The following UBXN11 variants were observed in gnomAD, a reference collection of about 807,000 sequenced individuals.
UBXN11 encodes UBX domain-containing protein 11.
A neutral mutation model predicts 62.8 loss-of-function variants in UBXN11; 47 were observed. That is an observed-to-expected ratio of 0.75 (90% CI 0.59 to 0.95). UBXN11 has a LOEUF of 0.95. Among genes scored for constraint, UBXN11 ranks in the 40% least tolerant of loss-of-function variants. The probability of loss-of-function intolerance (pLI) is 0.00; values close to 1 mark genes in which losing one functional copy is unlikely to be tolerated. For synonymous variants in UBXN11, 294 were observed against 267.0 expected (o/e 1.10, Z -0.99); for missense variants, 638 against 661.7 (o/e 0.96, Z 0.39).
rs202070711 is a variant in UBXN11, at chr1:26,285,985, C to A, written c.612G>T (p.Leu204=). 1.7e-5 allele frequency: 27 copies of A among 1,612,468 alleles called. No individual in the cohort carries two copies. The highest frequency in any genetic ancestry group is 2.0e-5 in the Non-Finnish European group (24 of 1,179,050). ...CTACCACCAGCTCACTAAGATCCTG[C>A]AGGCTGGCCAGCAGCCTGTCAAAGT... ...EVDFDRLLAS[L]QDLSELVVEG... The change falls in exon 9 of 15, where the codon CTG becomes CTT. Residue 204 remains leucine (L), a synonymous_variant. Coordinates refer to ENST00000374222, the MANE Select transcript of UBXN11 (RefSeq NM_001389556.1).
Position 26,284,445 on chromosome 1 carries a change from C to T in UBXN11, c.890G>A (p.Gly297Glu), listed in dbSNP as rs780386632. ...DLRNQVYLED[G>E]LDPFPGEGRV... ...GCCCTCGCCTGGGAAGGGGTCCAGT[C>T]CATCCTCCAGGTAGACCTGATTGCG... Residue 297 changes from glycine (G) to glutamate (E), a missense_variant, in exon 11 of 15, where the codon GGA becomes GAA. Coordinates refer to ENST00000374222, the MANE Select transcript of UBXN11 (RefSeq NM_001389556.1). 5 of 1,613,642 alleles carry T rather than the reference C, an allele frequency of 3.1e-6. No individual in the cohort carries two copies. In the South Asian group the frequency reaches 3.3e-5, roughly 11 times the overall value.
At chr1:26,295,743 G>T (rs1412329893) in intron 7 of UBXN11, among the ~76,000 whole-genome samples, 1 of 152,192 alleles carries the variant, frequency 6.6e-6, no homozygotes, top group African/African-American at 2.4e-5. Context: ...AGCACTCTCT[G>T]TACTTGTGTA....
intron 6 of UBXN11, 33 bp downstream of exon 6, chr1:26,297,394 G>C: frequency 6.6e-7 from 1 of 1,506,716 alleles, no homozygotes; most frequent in Non-Finnish European, 8.9e-7. Context: ...TGCCTGACTG[G>C]GGGCGCAGGT....
intron 4 of UBXN11, among the ~76,000 whole-genome samples, chr1:26,299,892 G>A (rs1440920362): frequency 1.3e-5 from 2 of 152,152 alleles, no homozygotes; most frequent in African/African-American, 2.4e-5. Context: ...CACTTTGGGA[G>A]GCTGAGGCAG....
intron 10 of UBXN11, chr1:26,284,834 T>C (rs1436687309): frequency 2.8e-6 from 3 of 1,052,756 alleles, no homozygotes; most frequent in Non-Finnish European, 3.4e-6. Context: ...TCATCGTACA[T>C]GTAACCTCAC....
upstream of UBXN11, among the ~76,000 whole-genome samples, chr1:26,309,163 G>A (rs2073713561): frequency 1.3e-5 from 2 of 151,984 alleles, no homozygotes; most frequent in Non-Finnish European, 2.9e-5. Flanking sequence ...TCCGTCTCCT[G>A]ACCTTGTGAT....
At chr1:26,317,369 C>A (rs4450008) in intron 1 of UBXN11, among the ~76,000 whole-genome samples, 105,945 of 152,024 alleles carry the variant, frequency 0.7, 37,380 homozygotes, top group Non-Finnish European at 0.75. Context: ...AACCAGGCTT[C>A]CCGATTCCTC....
intron 10 of UBXN11, 183 bp from the exon 11 acceptor site, chr1:26,284,665 T>C (rs2073084474): frequency 5.1e-6 from 7 of 1,364,234 alleles, no homozygotes; most frequent in Non-Finnish European, 6.6e-6. Flanking sequence ...CCCTCAGCCC[T>C]GCTGCTCCTG....
upstream of UBXN11, among the ~76,000 whole-genome samples, chr1:26,307,538 T>C (rs1437995305): frequency 6.6e-6 from 1 of 152,126 alleles, no homozygotes; most frequent in Admixed American, 6.5e-5. Flanking sequence ...TCTGGGAGTT[T>C]ATGATTTCTG....
intron 2 of UBXN11, 108 bp downstream of exon 2, chr1:26,302,705 C>T: frequency 4.1e-6 from 5 of 1,216,744 alleles, no homozygotes; most frequent in Non-Finnish European, 5.7e-6. Flanking sequence ...GCTATGTGGC[C>T]CTTCTTTGTA....
chr1:26,292,720 G>C (rs2073299673), intron 8 of UBXN11, among the ~76,000 whole-genome samples: 2 of 152,040 alleles, frequency 1.3e-5, no homozygotes, highest in South Asian at 4.1e-4. Context: ...CGGGCATGGT[G>C]GTGGGCGCCT....
intron 8 of UBXN11, among the ~76,000 whole-genome samples, chr1:26,288,467 A>C (rs1449603799): frequency 6.6e-6 from 1 of 152,164 alleles, no homozygotes; most frequent in Non-Finnish European, 1.5e-5. Context: ...CTCTGGGCAA[A>C]CCAGCACTGA....
Position 26,306,618 on chromosome 1 carries a change from GCGC to G in UBXN11, c.-65_-63del, listed in dbSNP as rs1338602887. 10 of 152,364 alleles carry G rather than the reference GCGC, an allele frequency of 6.6e-5. No individual in the cohort carries two copies. The highest frequency in any genetic ancestry group is 1.2e-4 in the Non-Finnish European group (8 of 68,164). The allele number at this position is 152,364 out of a possible 1,614,324, so 9.4% of individuals were successfully genotyped here. ...ACGCAGGGCCGCTAGCCGTCCCGCAGCGCCGCCATCTTGTTGTCACGCGGTTTC... is the reference window on the plus strand; with the variant it reads ...ACGCAGGGCCGCTAGCCGTCCCGCAGCGCCATCTTGTTGTCACGCGGTTTC... On this transcript the variant is annotated 5_prime_UTR_variant, in exon 1 of 15. Transcript: ENST00000374222.
At chr1:26,289,001 G>C (rs1349734243) in intron 8 of UBXN11, among the ~76,000 whole-genome samples, 2 of 152,140 alleles carry the variant, frequency 1.3e-5, no homozygotes, top group African/African-American at 4.8e-5. Context: ...GATCACCTCT[G>C]AGGCCTCATC....
intron 1 of UBXN11, among the ~76,000 whole-genome samples, chr1:26,312,549 G>A (rs1570147606): frequency 6.6e-6 from 1 of 152,052 alleles, no homozygotes; most frequent in East Asian, 1.9e-4. Flanking sequence ...ACCACGCCTG[G>A]CCCATTATAG....
chr1:26,286,278 T>A (rs1490683894), intron 8 of UBXN11, among the ~76,000 whole-genome samples: 1 of 152,230 alleles, frequency 6.6e-6, no homozygotes. Flanking sequence ...CTATAAAGGC[T>A]ATAATCACCT....
rs56037016 is a variant in UBXN11, at chr1:26,313,782, C to CTTTT, written c.-149+4261_-149+4264dup. ...TTGGTTCTTTACTATAATTTTTTTT[C>CTTTT]TTTTTTTTTTTTTTTTGAGACTTAG... On this transcript the variant is annotated intron_variant, in intron 1 of 14. Coordinates refer to the UBXN11 transcript ENST00000374217. Among the ~76,000 whole-genome samples the CTTTT allele has an allele frequency of 1.7e-3, 211 of 125,880 alleles. 2 individuals are homozygous for CTTTT. The highest frequency in any genetic ancestry group is 3.2e-3 in the African/African-American group (112 of 34,916). The allele number at this position is 125,880 out of a possible 152,430, so 82.6% of individuals were successfully genotyped here. A position where few individuals can be genotyped will look rare whatever the true frequency, so the allele number is the denominator to read the frequency against.
chr1:26,293,295 G>C (rs1314732726), intron 8 of UBXN11, among the ~76,000 whole-genome samples: 1 of 152,170 alleles, frequency 6.6e-6, no homozygotes, highest in Non-Finnish European at 1.5e-5. Flanking sequence ...GCCTGGAGAA[G>C]CATCTTTTGG....
At chr1:26,284,732 C>T (rs1328661808) in intron 10 of UBXN11, 1 of 1,270,566 alleles carries the variant, frequency 7.9e-7, no homozygotes, top group Admixed American at 4.0e-5. Flanking sequence ...CTTGGAGACC[C>T]CCCTCTCAGG....
Sources: gnomAD v4.1 joint callset for allele counts (sites outside exome capture counted in the v4.1 genomes callset) on GRCh38, gnomAD v4.1.1 for gene constraint, MANE v1.5 for transcripts, NCBI Gene and HGNC (gene_info 2026-07-23, HGNC 2026-07-21) for gene names.